The following CEP128 variants were observed in gnomAD, a reference collection of about 807,000 sequenced individuals.
The protein encoded by CEP128 is centrosomal protein 128.
A neutral mutation model predicts 156.7 loss-of-function variants in CEP128; 132 were observed. The ratio of observed to expected loss-of-function variants is 0.84; its 90% CI spans 0.73 to 0.97. The LOEUF is 0.97. Ranked by LOEUF, CEP128 falls within the 50% of genes least tolerant of loss-of-function variation. The pLI is 0.00. For synonymous variants in CEP128, 469 were observed against 448.9 expected (o/e 1.04, Z -0.57); for missense variants, 1,252 against 1,281.9 (o/e 0.98, Z 0.36).
chr14:80,766,963 G>A (rs964262262), intron 16 of CEP128, among the ~76,000 whole-genome samples: 5 of 152,088 alleles, frequency 3.3e-5, no homozygotes, highest in Non-Finnish European at 7.4e-5. Context: ...AAGTTTTGAG[G>A]AAGAATATTT....
At chr14:80,843,419 C>G (rs1344681923) in intron 9 of CEP128, among the ~76,000 whole-genome samples, 1 of 152,070 alleles carries the variant, frequency 6.6e-6, no homozygotes, top group Non-Finnish European at 1.5e-5. Context: ...ACATGTAGAT[C>G]ATTCACTGAT....
chr14:80,618,555 A>G (rs777892343), intron 19 of CEP128, among the ~76,000 whole-genome samples: 15 of 152,252 alleles, frequency 9.9e-5, no homozygotes, highest in Non-Finnish European at 1.8e-4. Context: ...AAATGCACAA[A>G]CAAGTTATTG....
chr14:80,564,195 T>C (rs1890814836), intron 20 of CEP128, among the ~76,000 whole-genome samples: 1 of 152,226 alleles, frequency 6.6e-6, no homozygotes, highest in East Asian at 1.9e-4. Flanking sequence ...GGAAAGTTTA[T>C]GAAACACCTA....
chr14:80,597,629 A>G (rs1045142851), intron 19 of CEP128, among the ~76,000 whole-genome samples: 3 of 148,612 alleles, frequency 2.0e-5, no homozygotes, highest in African/African-American at 7.3e-5. Context: ...ACAAAGAAAG[A>G]AAGAAAAGAA....
chr14:80,607,600 C>A (rs752598804), intron 19 of CEP128, among the ~76,000 whole-genome samples: 5 of 152,098 alleles, frequency 3.3e-5, no homozygotes, highest in Non-Finnish European at 5.9e-5. Flanking sequence ...GAGAAGCATT[C>A]TGCAACTTAA....
chr14:80,762,618 T>C (rs1265943491), intron 16 of CEP128, among the ~76,000 whole-genome samples: 1 of 152,212 alleles, frequency 6.6e-6, no homozygotes, highest in Non-Finnish European at 1.5e-5. Context: ...AAACATCCTC[T>C]GCCAGGAAAG....
At chr14:80,660,836 A>T (rs370904119) in intron 19 of CEP128, among the ~76,000 whole-genome samples, 1 of 152,146 alleles carries the variant, frequency 6.6e-6, no homozygotes, top group Non-Finnish European at 1.5e-5. Flanking sequence ...TCTTCAGCAC[A>T]TTCTTCCTAC....
At chr14:80,726,406 TACTCC>T (rs1208612722) in intron 19 of CEP128, among the ~76,000 whole-genome samples, 1 of 152,214 alleles carries the variant, frequency 6.6e-6, no homozygotes, top group Non-Finnish European at 1.5e-5. Context: ...CAACTAGAGC[TACTCC>T]ATCAACAACC....
At chr14:80,903,425 T>C (rs1883695528) in intron 6 of CEP128, among the ~76,000 whole-genome samples, 1 of 152,156 alleles carries the variant, frequency 6.6e-6, no homozygotes, top group Non-Finnish European at 1.5e-5. Context: ...AAAAGCTCCA[T>C]GACTTTGGTT....
chr14:80,636,936 A>T (rs1894206762), intron 19 of CEP128, among the ~76,000 whole-genome samples: 1 of 151,952 alleles, frequency 6.6e-6, no homozygotes, highest in South Asian at 2.1e-4. Context: ...AAAATACAAA[A>T]TTAGCCAGGC....
At chr14:80,667,313 C>A (rs9943989) in intron 19 of CEP128, among the ~76,000 whole-genome samples, 3,137 of 152,058 alleles carry the variant, frequency 0.021, 120 homozygotes, top group African/African-American at 0.071. Flanking sequence ...ACAGTGTGGC[C>A]GAGGGGCTTA....
At chr14:80,543,142 G>T (rs1464162756) in intron 21 of CEP128, among the ~76,000 whole-genome samples, 1 of 152,264 alleles carries the variant, frequency 6.6e-6, no homozygotes, top group East Asian at 1.9e-4. Context: ...GTGGCATTGA[G>T]ATTTATTTCA....
At chr14:80,658,233 T>C (rs1895257408) in intron 19 of CEP128, among the ~76,000 whole-genome samples, 1 of 152,226 alleles carries the variant, frequency 6.6e-6, no homozygotes. Context: ...GGAAGGATTA[T>C]GGTAGGGGAT....
At chr14:80,645,110 C>T (rs1308797434) in intron 19 of CEP128, among the ~76,000 whole-genome samples, 1 of 152,062 alleles carries the variant, frequency 6.6e-6, no homozygotes, top group African/African-American at 2.4e-5. Flanking sequence ...CAAGTAGGTT[C>T]CTTTTGACTC....
intron 16 of CEP128, among the ~76,000 whole-genome samples, chr14:80,773,363 AT>A (rs1238955078): frequency 6.6e-6 from 1 of 152,182 alleles, no homozygotes; most frequent in East Asian, 1.9e-4. Flanking sequence ...TATTGTATAT[AT>A]TCTTTGATAA....
intron 19 of CEP128, 63 bp from the exon 20 acceptor site, chr14:80,580,486 C>T (rs948035909): frequency 1.5e-5 from 13 of 882,778 alleles, no homozygotes; most frequent in Admixed American, 9.4e-5. Context: ...CTCTTATCAT[C>T]AAATGCAATT....
chr14:80,955,256 C>T (rs888417462), intron 2 of CEP128: 1 of 343,478 alleles, frequency 2.9e-6, no homozygotes, highest in Non-Finnish European at 5.6e-6. Context: ...GAAGGCTACA[C>T]GCTAGGGAAG....
intron 13 of CEP128, among the ~76,000 whole-genome samples, chr14:80,811,750 A>G (rs1368844346): frequency 2.6e-5 from 4 of 151,248 alleles, no homozygotes; most frequent in African/African-American, 9.7e-5. Flanking sequence ...CCAGATAGAC[A>G]GGTAACAGTC....
intron 19 of CEP128, among the ~76,000 whole-genome samples, chr14:80,720,230 T>C (rs1897763608): frequency 6.6e-6 from 1 of 151,800 alleles, no homozygotes. Flanking sequence ...AATGCTCAAG[T>C]TGAAGGGGGA....
Sources: allele counts gnomAD v4.1 joint callset (sites outside exome capture counted in the v4.1 genomes callset), GRCh38; gene constraint gnomAD v4.1.1; transcripts MANE v1.5; gene names NCBI Gene and HGNC (gene_info 2026-07-23, HGNC 2026-07-21).